IQCK: variants seen among roughly 807,000 people sequenced by gnomAD.
The protein encoded by IQCK is IQ domain-containing protein K.
In IQCK, 29 loss-of-function variants were observed where a neutral mutation model predicts 28.1. That is an observed-to-expected ratio of 1.03 (90% CI 0.77 to 1.41). IQCK has a LOEUF of 1.41. Among genes scored for constraint, IQCK ranks in the 40% most tolerant of loss-of-function variants. IQCK has a pLI of 0.00. For missense variants in IQCK, 359 were observed against 314.7 expected (o/e 1.14, Z -1.07); for synonymous variants, 113 against 115.1 (o/e 0.98, Z 0.12).
At chr16:19,853,861 C>A (rs2056519331) in intron 9 of IQCK, among the ~76,000 whole-genome samples, 1 of 152,224 alleles carries the variant, frequency 6.6e-6, no homozygotes, top group African/African-American at 2.4e-5. Context: ...CCCCTGACCT[C>A]AAGTGACCCA....
intron 1 of IQCK, among the ~76,000 whole-genome samples, chr16:19,727,039 G>C (rs1196470707): frequency 6.6e-6 from 1 of 151,674 alleles, no homozygotes; most frequent in Non-Finnish European, 1.5e-5. Context: ...GCTGAGGCAA[G>C]AGAATTGCTT....
intron 7 of IQCK, among the ~76,000 whole-genome samples, chr16:19,805,833 G>A (rs1257088924): frequency 2.6e-5 from 4 of 152,122 alleles, no homozygotes; most frequent in East Asian, 1.9e-4. Flanking sequence ...CCAAAGGCTC[G>A]GAGGCTAGAG....
chr16:19,784,275 G>C (rs1021535071), intron 6 of IQCK, among the ~76,000 whole-genome samples: 26 of 151,954 alleles, frequency 1.7e-4, no homozygotes, highest in African/African-American at 6.1e-4. Flanking sequence ...GCAGCTGCTA[G>C]ACCCTGACTT....
chr16:19,731,430 A>G (rs769462288), intron 2 of IQCK, among the ~76,000 whole-genome samples: 2 of 152,206 alleles, frequency 1.3e-5, no homozygotes, highest in African/African-American at 2.4e-5. Flanking sequence ...CATTGTGTCT[A>G]AAAACTTTCT....
chr16:19,742,204 A>G (rs891801635), intron 4 of IQCK, among the ~76,000 whole-genome samples: 5 of 152,192 alleles, frequency 3.3e-5, no homozygotes, highest in Admixed American at 3.3e-4. Context: ...TCCAGACCCA[A>G]GGAATGTTAA....
At chr16:19,841,139 C>G (rs983904153) in intron 9 of IQCK, among the ~76,000 whole-genome samples, 1 of 152,198 alleles carries the variant, frequency 6.6e-6, no homozygotes, top group Admixed American at 6.5e-5. Flanking sequence ...GTCCCCATAT[C>G]AAAGCAATAC....
chr16:19,831,505 A>C (rs2141098169), downstream of IQCK, among the ~76,000 whole-genome samples: 1 of 152,282 alleles, frequency 6.6e-6, no homozygotes, highest in African/African-American at 2.4e-5. Flanking sequence ...GTTACAAAAT[A>C]AATCTCCCCA....
chr16:19,837,684 A>C (rs2056314734), intron 9 of IQCK, among the ~76,000 whole-genome samples: 1 of 152,240 alleles, frequency 6.6e-6, no homozygotes, highest in African/African-American at 2.4e-5. Flanking sequence ...TAAAGTTTTT[A>C]TTCCAGGTAA....
At chr16:19,858,308 A>G (rs2056589236) in exon 10 of IQCK, 1 of 446,116 alleles carries the variant, frequency 2.2e-6, no homozygotes, top group South Asian at 6.1e-5. Context: ...GTGCGATAAC[A>G]TATCAGATTT....
chr16:19,744,761 T>C lies in IQCK; in HGVS notation c.474+9311T>C, dbSNP rs182898071. 1.5e-3 allele frequency among the ~76,000 whole-genome samples: 224 copies of C among 152,374 alleles called. 1 individual carries two copies. The highest frequency in any genetic ancestry group is 1.9e-3 in the Non-Finnish European group (126 of 68,032). On this transcript the variant is annotated intron_variant, in intron 4 of 7. Coordinates refer to ENST00000564186, the Ensembl canonical transcript of IQCK. ...AAATAAAGCCAATGGCCTTCTAGTT[T>C]TGCTGTGAAATTAGCTGGGTGCTAG...
intron 7 of IQCK, among the ~76,000 whole-genome samples, chr16:19,819,882 A>G (rs1396300976): frequency 8.5e-5 from 12 of 141,254 alleles, no homozygotes; most frequent in Non-Finnish European, 1.4e-4. Flanking sequence ...GTTTAACTTG[A>G]AAAAAAAAAA....
intron 1 of IQCK, among the ~76,000 whole-genome samples, chr16:19,720,478 CT>C (rs1224100280): frequency 1.3e-5 from 2 of 152,198 alleles, no homozygotes; most frequent in Non-Finnish European, 2.9e-5. Context: ...ATTGTTGTGC[CT>C]ACCTCACAGG....
intron 2 of IQCK, among the ~76,000 whole-genome samples, chr16:19,731,829 A>C (rs1486090575): frequency 1.3e-5 from 2 of 152,202 alleles, no homozygotes. Flanking sequence ...AAGCTGGTAG[A>C]GTGGCTCAGT....
intron 6 of IQCK, among the ~76,000 whole-genome samples, chr16:19,772,925 C>T (rs963908587): frequency 1.3e-5 from 2 of 152,044 alleles, no homozygotes; most frequent in East Asian, 1.9e-4. Flanking sequence ...ATCACTTGAG[C>T]CCCAGAGGTT....
chr16:19,817,713 G>GC (rs1384862656), intron 7 of IQCK, among the ~76,000 whole-genome samples: 1 of 152,086 alleles, frequency 6.6e-6, no homozygotes, highest in East Asian at 1.9e-4. Context: ...ACTTTTATTT[G>GC]CCCCTCAGAA....
At chr16:19,757,533 C>T (rs1241861231) in intron 4 of IQCK, among the ~76,000 whole-genome samples, 4 of 152,108 alleles carry the variant, frequency 2.6e-5, no homozygotes, top group African/African-American at 7.2e-5. Context: ...ATTAGCCAGG[C>T]CATGGTAATT....
intron 4 of IQCK, among the ~76,000 whole-genome samples, chr16:19,750,623 G>A (rs1354875837): frequency 2.0e-5 from 3 of 150,154 alleles, no homozygotes; most frequent in Admixed American, 6.7e-5. Context: ...CACCATGCCC[G>A]GCTAATTTTT....
intron 9 of IQCK, among the ~76,000 whole-genome samples, chr16:19,832,681 C>A (rs551612995): frequency 6.6e-6 from 1 of 152,272 alleles, no homozygotes; most frequent in East Asian, 1.9e-4. Context: ...CATTTTCACA[C>A]TGCTATAAAG....
At chr16:19,730,400 A>T (rs1032904588) in intron 1 of IQCK, 30 bp from the exon 2 acceptor site, 2 of 1,531,538 alleles carry the variant, frequency 1.3e-6, no homozygotes, top group Admixed American at 2.0e-5. Flanking sequence ...TGAAGTATGG[A>T]ATTGAGGATT....
Sources: allele counts gnomAD v4.1 joint callset (sites outside exome capture counted in the v4.1 genomes callset), GRCh38; gene constraint gnomAD v4.1.1; transcripts MANE v1.5; gene names NCBI Gene and HGNC (gene_info 2026-07-23, HGNC 2026-07-21).